Variants in RASSF9 observed in about 807,000 individuals in gnomAD.
The protein encoded by RASSF9 is ras association domain-containing protein 9.
RASSF9 carries 18 observed loss-of-function variants against 21.4 expected under a neutral mutation model. The observed-to-expected ratio is 0.84, with a 90% CI of 0.58 to 1.25. The LOEUF (loss-of-function observed/expected upper bound fraction) is 1.25. Among genes scored for constraint, RASSF9 ranks in the 50% most tolerant of loss-of-function variants. The pLI is 0.00. For missense variants in RASSF9, 480 were observed against 503.2 expected, an observed-to-expected ratio of 0.95 and a Z score of 0.44; for synonymous variants, 183 against 179.1, an observed-to-expected ratio of 1.02 and a Z score of -0.18.
At chr12:85,830,843 T>A (rs1880436063) in intron 1 of RASSF9, among the ~76,000 whole-genome samples, 1 of 152,120 alleles carries the variant, frequency 6.6e-6, no homozygotes, top group South Asian at 2.1e-4. Context: ...CTAGAAGGTG[T>A]AGTACTACAA....
intron 1 of RASSF9, among the ~76,000 whole-genome samples, chr12:85,825,499 T>G (rs1038725146): frequency 2.6e-5 from 4 of 152,192 alleles, no homozygotes; most frequent in Admixed American, 6.5e-5. Flanking sequence ...AAAAGTTTTA[T>G]TGAAACACAG....
intron 1 of RASSF9, among the ~76,000 whole-genome samples, chr12:85,835,356 G>A (rs1880536222): frequency 6.6e-6 from 1 of 152,102 alleles, no homozygotes; most frequent in South Asian, 2.1e-4. Flanking sequence ...CATTTGATGT[G>A]TAAATAAAAT....
intron 1 of RASSF9, among the ~76,000 whole-genome samples, chr12:85,825,963 A>G (rs1296564991): frequency 7.2e-5 from 11 of 152,164 alleles, no homozygotes; most frequent in Non-Finnish European, 1.5e-4. Flanking sequence ...TGACTGGGAA[A>G]CCAGTTTGTG....
intron 1 of RASSF9, among the ~76,000 whole-genome samples, chr12:85,833,056 T>A (rs1267571154): frequency 6.6e-6 from 1 of 151,718 alleles, no homozygotes; most frequent in Non-Finnish European, 1.5e-5. Flanking sequence ...ATTTCCTGAA[T>A]ACTATTTCCC....
chr12:85,833,313 A>G (rs1467922776), intron 1 of RASSF9, among the ~76,000 whole-genome samples: 2 of 151,924 alleles, frequency 1.3e-5, no homozygotes, highest in African/African-American at 4.8e-5. Context: ...AGTTTACAAA[A>G]CTGAATAAAC....
intron 1 of RASSF9, among the ~76,000 whole-genome samples, chr12:85,830,489 G>A (rs1417303443): frequency 5.9e-5 from 9 of 152,000 alleles, no homozygotes; most frequent in African/African-American, 9.7e-5. Context: ...TATTTTTTGA[G>A]CACTTACTCT....
intron 1 of RASSF9, among the ~76,000 whole-genome samples, chr12:85,811,202 ATCT>A (rs1225485521): frequency 2.6e-5 from 4 of 151,866 alleles, no homozygotes; most frequent in African/African-American, 4.8e-5. Context: ...TAATTCTATT[ATCT>A]TCTTCTTGAA....
chr12:85,811,962 T>G (rs1393660474), intron 1 of RASSF9, among the ~76,000 whole-genome samples: 1 of 151,804 alleles, frequency 6.6e-6, no homozygotes, highest in Non-Finnish European at 1.5e-5. Context: ...ATGTTCAAAA[T>G]TGAATAAGAT....
chr12:85,829,665 A>C (rs1197106044), intron 1 of RASSF9, among the ~76,000 whole-genome samples: 2 of 151,898 alleles, frequency 1.3e-5, no homozygotes, highest in Non-Finnish European at 2.9e-5. Context: ...TGCCTGTGGG[A>C]GTTTAATAAA....
rs1879682269 is a variant in RASSF9 at position 85,800,754 on chromosome 12, A to G, written c.*3948T>C. On this transcript the variant is annotated 3_prime_UTR_variant, in exon 2 of 2. Coordinates refer to ENST00000361228, the MANE Select transcript of RASSF9 (RefSeq NM_005447.4). ...TTTGGATCAGTTACAACATGATAAAATGATATATACTTAATATTTGTCACA... is the reference window on the plus strand; with the variant it reads ...TTTGGATCAGTTACAACATGATAAAGTGATATATACTTAATATTTGTCACA... 1 of 151,988 alleles carries G rather than the reference A, an allele frequency of 6.6e-6. No homozygotes were observed. 9.4% of individuals were successfully genotyped at this position (151,988 alleles called of 1,614,324 possible). A position where few individuals can be genotyped will look rare whatever the true frequency, so the allele number is the denominator to read the frequency against.
At position 85,808,727 on chromosome 12, in the gene RASSF9, C is replaced by T. The variant is rs17013368; in HGVS notation, c.48-2765G>A. Among the ~76,000 whole-genome samples the T allele has an allele frequency of 6.7e-3, 1,025 of 152,066 alleles. 25 individuals are homozygous for T. Among genetic ancestry groups the T allele is most frequent in the Admixed American group, 0.05 (758 of 15,256 alleles). ...TTTTGTACCACATAGAGTTAATTTACTTCAACTAGGATATTTGAAAAGCAA... is the reference window on the plus strand; with the variant it reads ...TTTTGTACCACATAGAGTTAATTTATTTCAACTAGGATATTTGAAAAGCAA... On this transcript the variant is annotated intron_variant, in intron 1 of 1. Transcript: ENST00000361228.
intron 1 of RASSF9, among the ~76,000 whole-genome samples, chr12:85,818,956 C>CAAAAAAAAAA: frequency 1.5e-5 from 1 of 66,628 alleles, no homozygotes; most frequent in Non-Finnish European, 2.7e-5. Context: ...GAGACTCCGT[C>CAAAAAAAAAA]AAAAAAAAAA....
intron 1 of RASSF9, among the ~76,000 whole-genome samples, chr12:85,832,840 C>G (rs1308048148): frequency 1.3e-5 from 2 of 151,842 alleles, no homozygotes; most frequent in Non-Finnish European, 3.0e-5. Context: ...AATTCATCTC[C>G]TAAAAGCAAC....
At chr12:85,808,304 G>A (rs1217980612) in intron 1 of RASSF9, among the ~76,000 whole-genome samples, 2 of 151,972 alleles carry the variant, frequency 1.3e-5, no homozygotes, top group Non-Finnish European at 1.5e-5. Context: ...GAAAATATAA[G>A]TATTCACATG....
intron 1 of RASSF9, among the ~76,000 whole-genome samples, chr12:85,826,665 G>A (rs1457551891): frequency 7.0e-6 from 1 of 143,672 alleles, no homozygotes; most frequent in African/African-American, 2.8e-5. Context: ...GCCAGGTCTT[G>A]ATCTCCTGAC....
chr12:85,830,047 G>A (rs1193966182), intron 1 of RASSF9, among the ~76,000 whole-genome samples: 2 of 152,070 alleles, frequency 1.3e-5, no homozygotes, highest in Admixed American at 1.3e-4. Context: ...TTAAAAGGTA[G>A]CCACTCAGAA....
chr12:85,820,037 T>G (rs1880172692), intron 1 of RASSF9, among the ~76,000 whole-genome samples: 1 of 152,250 alleles, frequency 6.6e-6, no homozygotes, highest in Admixed American at 6.5e-5. Flanking sequence ...ATTATTTGGC[T>G]ACCACAGTGT....
In RASSF9 at chr12:85,804,835, C is replaced by T; in HGVS notation, c.1175G>A (p.Gly392Glu). The T allele has an allele frequency of 6.2e-7, 1 of 1,613,268 alleles. No individual in the cohort carries two copies. The highest frequency in any genetic ancestry group is 8.5e-7 in the Non-Finnish European group (1 of 1,179,268). The change falls in exon 2 of 2, where the codon GGG becomes GAG. Residue 392 changes from glycine (G) to glutamate (E), a missense_variant. Physicochemically the swap from Gly to Glu is moderately conservative, Grantham distance 98 (BLOSUM62 -2). Transcript: ENST00000361228. Reference protein sequence around the residue: ...AKESEVPSSNGEIPPFTQRVF... With the variant: ...AKESEVPSSNEEIPPFTQRVF... ...TCTTTGAGTAAAGGGAGGAATCTCC[C>T]CATTGCTACTGGGAACCTCAGATTC... is the stretch of plus-strand genomic sequence containing the variant.
intron 1 of RASSF9, among the ~76,000 whole-genome samples, chr12:85,835,315 T>G (rs1002209224): frequency 1.3e-5 from 2 of 152,108 alleles, no homozygotes; most frequent in East Asian, 1.9e-4. Context: ...ATGTCTAAAT[T>G]TATTCTCAAG....
Sources: allele counts gnomAD v4.1 joint callset (sites outside exome capture counted in the v4.1 genomes callset), GRCh38; gene constraint gnomAD v4.1.1; transcripts MANE v1.5; gene names NCBI Gene and HGNC (gene_info 2026-07-23, HGNC 2026-07-21).